The following DCC variants were observed in gnomAD, a reference collection of about 807,000 sequenced individuals.
DCC encodes the protein netrin receptor DCC.
DCC carries 58 observed loss-of-function variants against 172.5 expected under a neutral mutation model. The ratio of observed to expected loss-of-function variants is 0.34; its 90% CI spans 0.27 to 0.42. The LOEUF (loss-of-function observed/expected upper bound fraction) is 0.42. DCC is among the 10% of genes least tolerant of loss of function. The pLI, the probability that DCC is intolerant of heterozygous loss-of-function variation, is 1.00. For missense variants in DCC, 1,740 were observed against 1,791.0 expected, an observed-to-expected ratio of 0.97 and a Z score of 0.51; for synonymous variants, 709 against 644.5, an observed-to-expected ratio of 1.10 and a Z score of -1.52.
chr18:52,479,587 C>G (rs931562220), intron 1 of DCC, among the ~76,000 whole-genome samples: 2 of 150,076 alleles, frequency 1.3e-5, no homozygotes, highest in East Asian at 2.0e-4. Flanking sequence ...TCCACCCCCC[C>G]CCCGTCTCCC....
At chr18:53,077,098 T>A (rs770659622) in intron 7 of DCC, among the ~76,000 whole-genome samples, 2 of 152,126 alleles carry the variant, frequency 1.3e-5, no homozygotes, top group Non-Finnish European at 2.9e-5. Flanking sequence ...TTTTTTAACT[T>A]GGTGTTCATT....
At chr18:53,071,402 G>C (rs770863337) in intron 7 of DCC, among the ~76,000 whole-genome samples, 4 of 152,114 alleles carry the variant, frequency 2.6e-5, no homozygotes, top group Non-Finnish European at 2.9e-5. Flanking sequence ...TTAAAATCAA[G>C]AAGATCAATG....
intron 5 of DCC, among the ~76,000 whole-genome samples, chr18:53,047,286 ATAATTTTATATATATATATATAATTT>A (rs2042257785): frequency 1.7e-4 from 3 of 17,270 alleles, no homozygotes; most frequent in African/African-American, 9.9e-4. Context: ...ATATATATAT[ATAATTTTATATATATATATATAATTT>A]TATATATATA....
chr18:52,370,555 G>A (rs2144296142), intron 1 of DCC, among the ~76,000 whole-genome samples: 1 of 152,204 alleles, frequency 6.6e-6, no homozygotes, highest in East Asian at 1.9e-4. Flanking sequence ...ACACACTCAG[G>A]CCTGTCAGGG....
chr18:52,489,438 C>G (rs543837096), intron 1 of DCC, among the ~76,000 whole-genome samples: 1 of 151,880 alleles, frequency 6.6e-6, no homozygotes, highest in Middle Eastern at 3.2e-3. Flanking sequence ...TTGCTAAAGG[C>G]AAAATAAAAC....
intron 2 of DCC, among the ~76,000 whole-genome samples, chr18:52,812,309 T>A (rs1454208021): frequency 6.6e-6 from 1 of 152,192 alleles, no homozygotes; most frequent in South Asian, 2.1e-4. Context: ...CCCTTTCCAA[T>A]GATCAATGTC....
intron 1 of DCC, among the ~76,000 whole-genome samples, chr18:52,366,826 G>A (rs1002671955): frequency 1.6e-4 from 25 of 152,232 alleles, no homozygotes; most frequent in African/African-American, 6.0e-4. Flanking sequence ...AGACTCAGGA[G>A]CCCAGCTAGC....
At chr18:53,378,480 AT>A (rs1236983481) in intron 15 of DCC, among the ~76,000 whole-genome samples, 6 of 152,336 alleles carry the variant, frequency 3.9e-5, no homozygotes, top group African/African-American at 1.4e-4. Flanking sequence ...GGAAAATATT[AT>A]AAAATATCTT....
At position 53,416,120 on chromosome 18, in the gene DCC, G is replaced by T. The variant is rs779149027; in HGVS notation, c.3131-4G>T. 1 of 1,607,062 alleles carries T rather than the reference G, an allele frequency of 6.2e-7. No homozygotes were observed. The highest frequency in any genetic ancestry group is 8.5e-7 in the Non-Finnish European group (1 of 1,173,960). On this transcript the variant is annotated splice_region_variant and splice_polypyrimidine_tract_variant and intron_variant, in intron 20 of 28. Coordinates refer to ENST00000442544, the MANE Select transcript of DCC (RefSeq NM_005215.4). ...TAATAATGTTATTTCTTTTTCCCCC[G>T]CAGTGGAACACCCTGACAAAATGGC...
intron 1 of DCC, among the ~76,000 whole-genome samples, chr18:52,652,148 A>G (rs903727287): frequency 6.6e-6 from 1 of 152,064 alleles, no homozygotes; most frequent in Non-Finnish European, 1.5e-5. Context: ...CCATCAGTCA[A>G]TGGAGAGTTT....
chr18:53,133,075 A>G (rs902184137), intron 7 of DCC, among the ~76,000 whole-genome samples: 2 of 152,212 alleles, frequency 1.3e-5, no homozygotes, highest in Admixed American at 1.3e-4. Flanking sequence ...AACTCCCTTC[A>G]TCTAAATTTC....
intron 2 of DCC, among the ~76,000 whole-genome samples, chr18:52,885,230 C>G (rs997553784): frequency 2.0e-5 from 3 of 152,124 alleles, no homozygotes; most frequent in Non-Finnish European, 2.9e-5. Context: ...CATGTTTGTT[C>G]TCCTCCCTTC....
chr18:52,831,340 A>C, intron 2 of DCC, among the ~76,000 whole-genome samples: 1 of 152,140 alleles, frequency 6.6e-6, no homozygotes, highest in East Asian at 1.9e-4. Context: ...TTTGTATGAA[A>C]TGAAAAGCCA....
chr18:53,322,936 T>C, intron 14 of DCC, among the ~76,000 whole-genome samples: 1 of 152,112 alleles, frequency 6.6e-6, no homozygotes, highest in East Asian at 1.9e-4. Flanking sequence ...AAGTAAGATA[T>C]GATAAGTATT....
At chr18:52,771,429 G>A (rs1304052331) in intron 2 of DCC, among the ~76,000 whole-genome samples, 4 of 152,192 alleles carry the variant, frequency 2.6e-5, no homozygotes, top group Admixed American at 6.5e-5. Context: ...AGAGCCACTA[G>A]CCTTCTTCTC....
intron 1 of DCC, among the ~76,000 whole-genome samples, chr18:52,429,920 A>G (rs1451835947): frequency 6.6e-6 from 1 of 152,168 alleles, no homozygotes; most frequent in Non-Finnish European, 1.5e-5. Context: ...CAGAGAAATA[A>G]TGGCTTTTGA....
At chr18:53,340,592 C>T (rs774771494) in intron 15 of DCC, among the ~76,000 whole-genome samples, 51 of 152,040 alleles carry the variant, frequency 3.4e-4, no homozygotes, top group African/African-American at 6.3e-4. Context: ...TCATTGAAAA[C>T]GTGTTCATTC....
intron 1 of DCC, among the ~76,000 whole-genome samples, chr18:52,476,733 C>T (rs967116480): frequency 2.6e-5 from 4 of 151,678 alleles, no homozygotes; most frequent in Admixed American, 6.6e-5. Flanking sequence ...CTAACTGCTA[C>T]CAAAAAAACC....
intron 1 of DCC, among the ~76,000 whole-genome samples, chr18:52,346,836 G>T (rs988251627): frequency 2.0e-5 from 3 of 152,126 alleles, no homozygotes; most frequent in African/African-American, 7.2e-5. Flanking sequence ...CAGTGTCTAT[G>T]ATCTACTTCT....
Sources: allele counts gnomAD v4.1 joint callset (sites outside exome capture counted in the v4.1 genomes callset), GRCh38; gene constraint gnomAD v4.1.1; transcripts MANE v1.5; gene names NCBI Gene and HGNC (gene_info 2026-07-23, HGNC 2026-07-21).